GRAMD4: variants seen among roughly 807,000 people sequenced by gnomAD.
GRAMD4 encodes the protein GRAM domain-containing protein 4.
In GRAMD4, 25 loss-of-function variants were observed where a neutral mutation model predicts 83.9. The ratio of observed to expected loss-of-function variants is 0.30; its 90% CI spans 0.22 to 0.42. The LOEUF is 0.42. GRAMD4 is among the 10% of genes least tolerant of loss of function. The probability of loss-of-function intolerance (pLI) is 1.00; values close to 1 mark genes in which losing one functional copy is unlikely to be tolerated. For synonymous variants in GRAMD4, 336 were observed against 320.9 expected (o/e 1.05, Z -0.50); for missense variants, 593 against 788.7 (o/e 0.75, Z 2.97).
At position 46,604,361 on chromosome 22, in the gene GRAMD4, T is replaced by TTC. The variant is rs890953291; in HGVS notation, c.-49-22376_-49-22375dup. On this transcript the variant is annotated intron_variant, in intron 1 of 1. Transcript: ENST00000431155. ...TAGATTTTCAAAGGGAGGATCGGTT[T>TTC]TCTCTCTCTCTCTCTGTATAAATTG... is the stretch of plus-strand genomic sequence containing the variant. Among the ~76,000 whole-genome samples, 12 of 151,814 alleles carry TTC rather than the reference T, an allele frequency of 7.9e-5. No homozygotes were observed. The South Asian group carries it at 1.0e-3, about 13-fold the overall frequency.
intron 2 of GRAMD4, among the ~76,000 whole-genome samples, chr22:46,636,832 A>G (rs2081896050): frequency 6.6e-6 from 1 of 152,204 alleles, no homozygotes; most frequent in African/African-American, 2.4e-5. Flanking sequence ...GCCTGTGCCC[A>G]GTCCCTGGGC....
intron 1 of GRAMD4, among the ~76,000 whole-genome samples, chr22:46,588,857 A>G (rs898049031): frequency 6.6e-6 from 1 of 151,952 alleles, no homozygotes; most frequent in African/African-American, 2.4e-5. Context: ...CTTTCTTCTC[A>G]GGTCCTGTCA....
At chr22:46,664,222 C>A in intron 8 of GRAMD4, 105 bp downstream of exon 8, 3 of 810,900 alleles carry the variant, frequency 3.7e-6, no homozygotes, top group Admixed American at 1.7e-5. Flanking sequence ...CCCCAGGTGG[C>A]ACTTCCTCAG....
chr22:46,638,995 A>C (rs2081932663), intron 3 of GRAMD4, among the ~76,000 whole-genome samples: 1 of 152,222 alleles, frequency 6.6e-6, no homozygotes, highest in Admixed American at 6.5e-5. Flanking sequence ...TCAAGGGTCC[A>C]AGGCCTGTCC....
chr22:46,620,828 G>A lies in GRAMD4; in HGVS notation c.-50+263G>A, dbSNP rs183280330. ...TCCTGAGAACCTGGCCTGGTCAGGA[G>A]GGCCGGCAAGAGGAGGAGCCTCCCA... On this transcript the variant is annotated intron_variant, in intron 1 of 18. Transcript: ENST00000406902. The surrounding 1 kb of genome is among the most constrained non-coding windows in gnomAD (Gnocchi z 4.7). Among the ~76,000 whole-genome samples, 1 of 152,288 alleles carries A rather than the reference G, an allele frequency of 6.6e-6. No homozygotes were observed. The highest frequency in any genetic ancestry group is 1.9e-4 in the East Asian group (1 of 5,172).
At chr22:46,650,536 G>A (rs1051251220) in intron 3 of GRAMD4, among the ~76,000 whole-genome samples, 3 of 152,252 alleles carry the variant, frequency 2.0e-5, no homozygotes, top group South Asian at 4.1e-4. Flanking sequence ...CAGCGTGGCC[G>A]TTCACTCATC....
chr22:46,608,254 G>C (rs566673334), intron 1 of GRAMD4, among the ~76,000 whole-genome samples: 15 of 152,310 alleles, frequency 9.8e-5, no homozygotes, highest in Admixed American at 3.3e-4. Context: ...TTCCATCAGG[G>C]CCGCCCGTGC....
chr22:46,579,659 C>T (rs1381441594), intron 1 of GRAMD4, among the ~76,000 whole-genome samples: 3 of 152,208 alleles, frequency 2.0e-5, no homozygotes, highest in African/African-American at 4.8e-5. Context: ...CGTGTGCCCC[C>T]TCCCCTCCCT....
intron 3 of GRAMD4, among the ~76,000 whole-genome samples, chr22:46,644,505 TAC>T (rs1235683010): frequency 1.3e-5 from 2 of 152,138 alleles, no homozygotes; most frequent in African/African-American, 4.8e-5. Context: ...TGTTCTGTGT[TAC>T]ACCTGCCCCT....
chr22:46,641,810 G>A (rs6007948), intron 3 of GRAMD4, among the ~76,000 whole-genome samples: 5,707 of 152,222 alleles, frequency 0.037, 336 homozygotes, highest in African/African-American at 0.13. Context: ...TTCTACTTCC[G>A]CTATTCTCTC....
chr22:46,609,845 C>T (rs2081400482), intron 1 of GRAMD4, among the ~76,000 whole-genome samples: 1 of 152,228 alleles, frequency 6.6e-6, no homozygotes, highest in Admixed American at 6.5e-5. Flanking sequence ...TTGTTTGTCA[C>T]TGGGCAGTAA....
intron 2 of GRAMD4, among the ~76,000 whole-genome samples, chr22:46,633,552 A>G (rs1275371883): frequency 5.3e-5 from 8 of 152,212 alleles, no homozygotes; most frequent in Middle Eastern, 6.8e-3. Flanking sequence ...GAGCCCAGCA[A>G]CTGGGGGCTC....
intron 1 of GRAMD4, among the ~76,000 whole-genome samples, chr22:46,585,117 G>A (rs1210487786): frequency 2.6e-5 from 4 of 152,224 alleles, no homozygotes; most frequent in East Asian, 1.9e-4. Context: ...GTCACTCCTC[G>A]TCTGCTGGTT....
chr22:46,636,512 T>G (rs752465598), intron 2 of GRAMD4, among the ~76,000 whole-genome samples: 2 of 152,212 alleles, frequency 1.3e-5, no homozygotes, highest in African/African-American at 2.4e-5. Flanking sequence ...AGCGCCTTAT[T>G]CCTGGGCTGT....
intron 14 of GRAMD4, 119 bp from the exon 15 acceptor site, chr22:46,673,551 C>G (rs959311391): frequency 7.8e-7 from 1 of 1,276,166 alleles, no homozygotes; most frequent in Admixed American, 2.0e-5. Flanking sequence ...GAAGGGACCT[C>G]GGGAACGTCT....
chr22:46,648,699 C>G (rs1011743526), intron 3 of GRAMD4, among the ~76,000 whole-genome samples: 255 of 118,198 alleles, frequency 2.2e-3, no homozygotes, highest in African/African-American at 7.7e-3. Context: ...TGGATGGATG[C>G]ATGGATGGAT....
chr22:46,659,372 C>T lies in GRAMD4; in HGVS notation c.404+1065C>T, dbSNP rs949798191. 2.1e-4 allele frequency among the ~76,000 whole-genome samples: 32 copies of T among 152,104 alleles called. No homozygotes were observed. Among genetic ancestry groups the T allele is most frequent in the African/African-American group, 7.2e-4 (30 of 41,428 alleles). On this transcript the variant is annotated intron_variant, in intron 4 of 18. Coordinates refer to ENST00000406902, the MANE Select transcript of GRAMD4 (RefSeq NM_015124.5). This position sits in a 1 kb window ranked among gnomAD's most constrained non-coding sequence, Gnocchi z 4.1. ...CCACTCAGCCTCCCTCCAGCCTCCA[C>T]TTAGCCTCCCTCCAGGTCTCCCACC...
chr22:46,604,303 GTTTTTC>G (rs1292962625), intron 1 of GRAMD4, among the ~76,000 whole-genome samples: 2 of 152,048 alleles, frequency 1.3e-5, no homozygotes, highest in Non-Finnish European at 2.9e-5. Context: ...AAAATCTGTT[GTTTTTC>G]TTTTAAGGGA....
intron 2 of GRAMD4, 74 bp from the exon 3 acceptor site, chr22:46,637,766 T>C: frequency 1.3e-6 from 2 of 1,552,734 alleles, no homozygotes; most frequent in Non-Finnish European, 8.7e-7. Context: ...CCTGGGCACC[T>C]CTGGGGGAAC....
Sources: allele counts gnomAD v4.1 joint callset (sites outside exome capture counted in the v4.1 genomes callset), GRCh38; gene constraint gnomAD v4.1.1; non-coding constraint Gnocchi (gnomAD v3.1); transcripts MANE v1.5; gene names NCBI Gene and HGNC (gene_info 2026-07-23, HGNC 2026-07-21).